PCDHA8: variants seen among roughly 807,000 people sequenced by gnomAD.
PCDHA8 encodes protocadherin alpha 8.
A neutral mutation model predicts 61.8 loss-of-function variants in PCDHA8; 53 were observed. The observed-to-expected ratio is 0.86, with a 90% CI of 0.69 to 1.08. PCDHA8 has a LOEUF of 1.08. Among genes scored for constraint, PCDHA8 ranks in the 50% least tolerant of loss-of-function variants. The pLI is 0.00. For synonymous variants in PCDHA8, 618 were observed against 556.6 expected (o/e 1.11, Z -1.55); for missense variants, 1,293 against 1,245.0 (o/e 1.04, Z -0.58).
At chr5:140,857,569 G>T (rs1554150250) in intron 1 of PCDHA8, 3 of 1,596,900 alleles carry the variant, frequency 1.9e-6, no homozygotes, top group South Asian at 1.1e-5. Context: ...CGAGCTACGT[G>T]TCGGTGCACG....
At chr5:140,896,099 C>T (rs1395621401) in intron 1 of PCDHA8, among the ~76,000 whole-genome samples, 1 of 152,236 alleles carries the variant, frequency 6.6e-6, no homozygotes, top group Non-Finnish European at 1.5e-5. Context: ...GCGTGAGCCA[C>T]TGTGCCTGGC....
At chr5:140,975,634 A>G (rs1457671890) in intron 1 of PCDHA8, among the ~76,000 whole-genome samples, 4 of 152,244 alleles carry the variant, frequency 2.6e-5, no homozygotes, top group African/African-American at 9.6e-5. Context: ...TGGTACGAAG[A>G]TAGCATATTA....
intron 1 of PCDHA8, among the ~76,000 whole-genome samples, chr5:140,959,833 T>C (rs539062460): frequency 1.3e-5 from 2 of 152,366 alleles, no homozygotes; most frequent in East Asian, 3.9e-4. Context: ...TAATGTATTA[T>C]GCCTGTAACT....
chr5:140,853,959 GC>G, intron 1 of PCDHA8: 1 of 736,848 alleles, frequency 1.4e-6, no homozygotes, highest in Non-Finnish European at 1.7e-6. Context: ...CCTTCCTTGA[GC>G]CCAGCAGTTT....
intron 1 of PCDHA8, among the ~76,000 whole-genome samples, chr5:140,973,564 A>T (rs2096593487): frequency 6.6e-6 from 1 of 152,168 alleles, no homozygotes; most frequent in Admixed American, 6.5e-5. Context: ...CTCTTTCCTC[A>T]ATTTTTCTAC....
intron 1 of PCDHA8, among the ~76,000 whole-genome samples, chr5:140,893,124 CA>C (rs2063834148): frequency 2.0e-5 from 3 of 152,298 alleles, no homozygotes; most frequent in Admixed American, 1.3e-4. Flanking sequence ...ATATACACCA[CA>C]TTTTCTTTAT....
In PCDHA8 at chr5:140,843,385, T is replaced by C. The variant is rs2150358841; in HGVS notation, c.2064T>C (p.Gly688=). 1.3e-6 allele frequency: 2 copies of C among 1,595,900 alleles called. No individual in the cohort carries two copies. Among genetic ancestry groups the C allele is most frequent in the Admixed American group, 1.7e-5 (1 of 59,284 alleles). Residue 688 remains glycine, a synonymous_variant, in exon 1 of 4, where the codon GGT becomes GGC. Coordinates refer to ENST00000531613, the MANE Select transcript of PCDHA8 (RefSeq NM_018911.3). ...ASSRQSAGVL[G]PEAALVDVNV... ...CGAGGCAGTCGGCTGGCGTTTTGGG[T>C]CCGGAAGCGGCGCTGGTGGATGTCA... is the stretch of plus-strand genomic sequence containing the variant.
chr5:140,858,007 T>C lies in PCDHA8; in HGVS notation c.2394+14292T>C, dbSNP rs1383838363. 3.1e-6 allele frequency: 5 copies of C among 1,596,728 alleles called. 1 individual carries two copies. Among genetic ancestry groups the C allele is most frequent in the Admixed American group, 1.7e-5 (1 of 59,162 alleles). On this transcript the variant is annotated intron_variant, in intron 1 of 3. Coordinates refer to ENST00000531613, the MANE Select transcript of PCDHA8 (RefSeq NM_018911.3). ...GCCTACTGGTGCTGGTGAAGGACCA[T>C]GGCGAGCCGTCGCTGACGGCCACGG... is the stretch of plus-strand genomic sequence containing the variant.
intron 1 of PCDHA8, among the ~76,000 whole-genome samples, chr5:140,947,064 A>G (rs1554218040): frequency 6.6e-6 from 1 of 151,738 alleles, no homozygotes; most frequent in African/African-American, 2.4e-5. Flanking sequence ...TACACAGTGT[A>G]TATATGTATT....
At chr5:140,850,903 G>T (rs781893598) in intron 1 of PCDHA8, 1 of 1,560,860 alleles carries the variant, frequency 6.4e-7, no homozygotes, top group Non-Finnish European at 8.7e-7. Context: ...GGTTTTTCTA[G>T]CATTTTATTT....
chr5:140,883,847 G>A (rs782603246), intron 1 of PCDHA8: 3 of 1,612,878 alleles, frequency 1.9e-6, no homozygotes, highest in Non-Finnish European at 8.5e-7. Flanking sequence ...GGACCACGAG[G>A]AGCTGGAGCT....
In PCDHA8 at chr5:140,843,636, TC is replaced by T; in HGVS notation, c.2316del (p.Phe772LeufsTer14). The T allele has an allele frequency of 1.3e-6, 2 of 1,595,920 alleles. No homozygotes were observed. Among genetic ancestry groups the T allele is most frequent in the Non-Finnish European group, 1.7e-6 (2 of 1,165,420 alleles). ...EGPPKTDLMA[F>X]SPCLPPDLGS... ...CCACCGAAGACGGACCTCATGGCCT[TC>T]AGCCCCTGCCTTCCTCCTGATCTGG... is the stretch of plus-strand genomic sequence containing the variant. On this transcript the variant is annotated frameshift_variant, in exon 1 of 4. Coordinates refer to ENST00000531613, the MANE Select transcript of PCDHA8 (RefSeq NM_018911.3). LOFTEE classifies it high-confidence loss of function.
intron 1 of PCDHA8, among the ~76,000 whole-genome samples, chr5:140,887,455 A>T (rs1334702818): frequency 6.6e-6 from 1 of 152,134 alleles, no homozygotes; most frequent in Non-Finnish European, 1.5e-5. Flanking sequence ...ACAGTTTTTT[A>T]AAAGATATAA....
Position 141,010,026 on chromosome 5 carries a change from T to C in PCDHA8, c.*89T>C. On this transcript the variant is annotated 3_prime_UTR_variant, in exon 4 of 4. Transcript: ENST00000531613. ...AGCAATTCCCTGCTCCTTTTTCCTA[T>C]CTACATGAGCCCTCTTAGAGACCTC... 1 of 1,574,670 alleles carries C rather than the reference T, an allele frequency of 6.4e-7. No homozygotes were observed. The highest frequency in any genetic ancestry group is 8.6e-7 in the Non-Finnish European group (1 of 1,164,154).
chr5:140,929,499 C>A, intron 1 of PCDHA8: 2 of 980,262 alleles, frequency 2.0e-6, no homozygotes, highest in Non-Finnish European at 2.8e-6. Context: ...GAAGATTGCC[C>A]TAGGCCTCAA....
chr5:140,865,866 C>G (rs1004604196), intron 1 of PCDHA8: 1 of 152,128 alleles, frequency 6.6e-6, no homozygotes, highest in Non-Finnish European at 1.5e-5. Context: ...AACATGGTCT[C>G]GGCTAGGAAA....
At chr5:140,952,879 G>C (rs1325308016) in intron 1 of PCDHA8, among the ~76,000 whole-genome samples, 1 of 152,094 alleles carries the variant, frequency 6.6e-6, no homozygotes, top group Non-Finnish European at 1.5e-5. Context: ...TTACAATCAT[G>C]GTGGAAGGCA....
rs1778474215 is a variant in PCDHA8, at chr5:140,843,010, G to A, written c.1689G>A (p.Pro563=). 2 of 1,595,044 alleles carry A rather than the reference G, an allele frequency of 1.3e-6. No homozygotes were observed. Among genetic ancestry groups the A allele is most frequent in the Non-Finnish European group, 1.7e-6 (2 of 1,165,472 alleles). Residue 563 remains proline, a synonymous_variant, in exon 1 of 4, where the codon CCG becomes CCA. Transcript: ENST00000531613. Reference sequence around the variant, plus strand: ...TGCTGGACGAGAATGACAACGCGCCGGCACTGCTGGAGCCTCGGGTGGGTG... The same window carrying A: ...TGCTGGACGAGAATGACAACGCGCCAGCACTGCTGGAGCCTCGGGTGGGTG... ...VFVLDENDNA[P]ALLEPRVGGT...
chr5:140,885,861 A>G (rs1329895164), intron 1 of PCDHA8, among the ~76,000 whole-genome samples: 1 of 152,104 alleles, frequency 6.6e-6, no homozygotes, highest in African/African-American at 2.4e-5. Context: ...CTACTTTTCT[A>G]TTGAAAAAAA....
Sources: gnomAD v4.1 joint callset for allele counts (sites outside exome capture counted in the v4.1 genomes callset) on GRCh38, gnomAD v4.1.1 for gene constraint, MANE v1.5 for transcripts, NCBI Gene and HGNC (gene_info 2026-07-23, HGNC 2026-07-21) for gene names.